Variants in HECW1 observed in about 807,000 individuals in gnomAD.
HECW1 encodes E3 ubiquitin-protein ligase HECW1.
A neutral mutation model predicts 182.3 loss-of-function variants in HECW1; 61 were observed. The observed-to-expected ratio is 0.33, with a 90% CI of 0.27 to 0.41. HECW1 has a LOEUF of 0.41. Ranked by LOEUF, HECW1 falls within the 10% of genes least tolerant of loss-of-function variation. The pLI, the probability that HECW1 is intolerant of heterozygous loss-of-function variation, is 1.00. For synonymous variants in HECW1, 859 were observed against 832.6 expected, an observed-to-expected ratio of 1.03 and a Z score of -0.55; for missense variants, 1,739 against 2,108.9, an observed-to-expected ratio of 0.82 and a Z score of 3.44.
In HECW1 at chr7:43,381,005, T is replaced by A. The variant is rs540371869; in HGVS notation, c.556-15809T>A. ...GTTCCACATCCTTGCTAACACTTGA[T>A]ATTGTCTTTTTATTTTTAGTTGTGA... On this transcript the variant is annotated intron_variant, in intron 6 of 29. Coordinates refer to ENST00000395891, the MANE Select transcript of HECW1 (RefSeq NM_015052.5). Among the ~76,000 whole-genome samples, 19 of 152,350 alleles carry A rather than the reference T, an allele frequency of 1.2e-4. No homozygotes were observed. The South Asian group carries it at 3.9e-3, about 32-fold the overall frequency.
intron 6 of HECW1, among the ~76,000 whole-genome samples, chr7:43,385,793 T>C (rs1279203062): frequency 6.6e-6 from 1 of 152,238 alleles, no homozygotes; most frequent in Non-Finnish European, 1.5e-5. Context: ...AAGAAGGTTG[T>C]ATTCATTTCC....
At chr7:43,369,372 C>T (rs1000441262) in intron 6 of HECW1, among the ~76,000 whole-genome samples, 15 of 152,050 alleles carry the variant, frequency 9.9e-5, no homozygotes, top group African/African-American at 3.6e-4. Context: ...GCAAGAGAAT[C>T]GCTTGAACTC....
At chr7:43,386,647 A>T (rs1295807203) in intron 6 of HECW1, among the ~76,000 whole-genome samples, 1 of 151,914 alleles carries the variant, frequency 6.6e-6, no homozygotes, top group Non-Finnish European at 1.5e-5. Flanking sequence ...CCCTTCCAGA[A>T]ATTCTGCCCC....
In HECW1 at chr7:43,209,262, C is replaced by T. The variant is rs375361334; in HGVS notation, c.-31-34613C>T. 3.3e-4 allele frequency among the ~76,000 whole-genome samples: 51 copies of T among 152,254 alleles called. No individual in the cohort carries two copies. In the South Asian group the frequency reaches 1.0e-2, roughly 30 times the overall value. On this transcript the variant is annotated intron_variant, in intron 2 of 29. Transcript: ENST00000395891. Reference sequence around the variant, plus strand: ...AAGACCACATACGGCACGCTGGCCCCCTGAAGACCCATGCTCCCCTGTCCC... The same window carrying T: ...AAGACCACATACGGCACGCTGGCCCTCTGAAGACCCATGCTCCCCTGTCCC...
At chr7:43,312,151 TA>T in intron 4 of HECW1, 64 bp downstream of exon 4, 2 of 1,360,442 alleles carry the variant, frequency 1.5e-6, no homozygotes, top group Non-Finnish European at 2.1e-6. Context: ...CACATTTTAA[TA>T]AACTCTACAA....
intron 6 of HECW1, among the ~76,000 whole-genome samples, chr7:43,363,512 T>A (rs1318886739): frequency 6.6e-6 from 1 of 152,330 alleles, no homozygotes; most frequent in East Asian, 1.9e-4. Flanking sequence ...GACACTTGAA[T>A]GTACATCCTG....
intron 26 of HECW1, among the ~76,000 whole-genome samples, chr7:43,543,974 G>C (rs1053977682): frequency 2.0e-5 from 3 of 152,006 alleles, no homozygotes; most frequent in African/African-American, 7.3e-5. Context: ...AGACAACTGG[G>C]TAGCCATCTG....
At chr7:43,271,274 AC>A (rs1185399392) in intron 3 of HECW1, among the ~76,000 whole-genome samples, 1 of 152,198 alleles carries the variant, frequency 6.6e-6, no homozygotes, top group Non-Finnish European at 1.5e-5. Flanking sequence ...ATGAGCAAAA[AC>A]TGGAAATATT....
chr7:43,301,789 C>A (rs1213578667), intron 3 of HECW1, among the ~76,000 whole-genome samples: 1 of 151,576 alleles, frequency 6.6e-6, no homozygotes, highest in Non-Finnish European at 1.5e-5. Context: ...GCAGGAGAAT[C>A]TCTTGAACCC....
At chr7:43,481,637 T>C (rs2078437182) in intron 17 of HECW1, among the ~76,000 whole-genome samples, 1 of 152,194 alleles carries the variant, frequency 6.6e-6, no homozygotes, top group Non-Finnish European at 1.5e-5. Context: ...ATCATTTAAA[T>C]CATTAATATC....
intron 2 of HECW1, among the ~76,000 whole-genome samples, chr7:43,190,167 G>T (rs530960006): frequency 3.3e-4 from 50 of 152,220 alleles, no homozygotes; most frequent in Non-Finnish European, 6.0e-4. Context: ...AGGCTGGAGT[G>T]CAGTGGCATG....
intron 2 of HECW1, among the ~76,000 whole-genome samples, chr7:43,139,949 G>C (rs546407187): frequency 6.6e-6 from 1 of 152,256 alleles, no homozygotes; most frequent in South Asian, 2.1e-4. Flanking sequence ...GTGATAAGTT[G>C]TTGTAAGTAT....
intron 5 of HECW1, among the ~76,000 whole-genome samples, chr7:43,329,015 G>A (rs1584496884): frequency 1.3e-5 from 2 of 152,280 alleles, no homozygotes; most frequent in Admixed American, 1.3e-4. Flanking sequence ...TGCATGCCAA[G>A]GTTCTGGCAT....
chr7:43,264,809 A>G (rs1801591099), intron 3 of HECW1, among the ~76,000 whole-genome samples: 2 of 147,880 alleles, frequency 1.4e-5, no homozygotes, highest in Non-Finnish European at 3.0e-5. Flanking sequence ...GCACCACTGC[A>G]CTCCAGCCCG....
Position 43,126,582 on chromosome 7 carries a change from G to A in HECW1, c.-32+12191G>A, listed in dbSNP as rs111267345. Among the ~76,000 whole-genome samples the A allele has an allele frequency of 2.6e-3, 400 of 152,216 alleles. 3 individuals are homozygous for A. Among genetic ancestry groups the A allele is most frequent in the African/African-American group, 8.9e-3 (371 of 41,534 alleles). ...TAACTGCTGATTTATATGAAAACAA[G>A]TATACAGGTATACCTTGTTTTATTG... is the stretch of plus-strand genomic sequence containing the variant. On this transcript the variant is annotated intron_variant, in intron 2 of 29. Coordinates refer to ENST00000395891, the MANE Select transcript of HECW1 (RefSeq NM_015052.5).
At chr7:43,240,377 A>C (rs1798773904) in intron 2 of HECW1, among the ~76,000 whole-genome samples, 1 of 152,202 alleles carries the variant, frequency 6.6e-6, no homozygotes, top group Non-Finnish European at 1.5e-5. Flanking sequence ...CATCTTTTAT[A>C]TTGCTAGCTT....
At chr7:43,512,740 A>G (rs2079938536) in intron 24 of HECW1, among the ~76,000 whole-genome samples, 1 of 152,220 alleles carries the variant, frequency 6.6e-6, no homozygotes, top group Non-Finnish European at 1.5e-5. Flanking sequence ...AAATGCACTG[A>G]GTAGAGTTTA....
intron 28 of HECW1, among the ~76,000 whole-genome samples, chr7:43,552,699 A>G (rs1163926442): frequency 6.6e-6 from 1 of 152,184 alleles, no homozygotes; most frequent in Non-Finnish European, 1.5e-5. Flanking sequence ...TCTTTGACTT[A>G]GCCTACTGTT....
intron 2 of HECW1, among the ~76,000 whole-genome samples, chr7:43,150,461 C>T (rs1283368361): frequency 1.3e-5 from 2 of 152,174 alleles, no homozygotes; most frequent in Non-Finnish European, 2.9e-5. Context: ...TCGGTGCAAC[C>T]TCTGCTTCCT....
Sources: gnomAD v4.1 joint callset for allele counts (sites outside exome capture counted in the v4.1 genomes callset) on GRCh38, gnomAD v4.1.1 for gene constraint, MANE v1.5 for transcripts, NCBI Gene and HGNC (gene_info 2026-07-23, HGNC 2026-07-21) for gene names.